Variants in PCDHGA3 observed in about 807,000 individuals in gnomAD.
PCDHGA3 encodes protocadherin gamma-A3.
PCDHGA3 carries 40 observed loss-of-function variants against 58.5 expected under a neutral mutation model. The ratio of observed to expected loss-of-function variants is 0.68; its 90% CI spans 0.53 to 0.89. PCDHGA3 has a LOEUF of 0.89. Among genes scored for constraint, PCDHGA3 ranks in the 40% least tolerant of loss-of-function variants. The pLI, the probability that PCDHGA3 is intolerant of heterozygous loss-of-function variation, is 0.00. For synonymous variants in PCDHGA3, 530 were observed against 525.7 expected, an observed-to-expected ratio of 1.01 and a Z score of -0.11; for missense variants, 1,223 against 1,195.9, an observed-to-expected ratio of 1.02 and a Z score of -0.33.
intron 1 of PCDHGA3, chr5:141,441,209 G>A (rs1276958461): frequency 1.3e-5 from 2 of 152,158 alleles, no homozygotes; most frequent in East Asian, 3.9e-4. Flanking sequence ...TCTGCACCTT[G>A]GACAGTAATC....
At chr5:141,398,425 C>G (rs2093656331) in intron 1 of PCDHGA3, 2 of 1,519,432 alleles carry the variant, frequency 1.3e-6, no homozygotes, top group East Asian at 2.3e-5. Flanking sequence ...CGGGAAGAAG[C>G]CAGCTTGTGC....
In PCDHGA3 at chr5:141,357,109, G is replaced by A. The variant is rs1023003199; in HGVS notation, c.2424+10652G>A. The A allele has an allele frequency of 6.2e-7, 1 of 1,613,832 alleles. No homozygotes were observed. The highest frequency in any genetic ancestry group is 8.5e-7 in the Non-Finnish European group (1 of 1,179,948). On this transcript the variant is annotated intron_variant, in intron 1 of 3. Transcript: ENST00000253812. ...CGCACGGGCCCTGCTGGACAGAGAC[G>A]CGCTCAAGCAGAGGCTTGTAGTGGT...
At chr5:141,405,473 G>A in intron 1 of PCDHGA3, 3 of 1,066,958 alleles carry the variant, frequency 2.8e-6, no homozygotes, top group Non-Finnish European at 4.0e-6. Flanking sequence ...AGGCTGGAAT[G>A]CAGTGGTGTG....
chr5:141,491,747 G>C lies in PCDHGA3; in HGVS notation c.2425-3060G>C. 6.3e-7 allele frequency: 1 copy of C among 1,591,872 alleles called. No homozygotes were observed. The highest frequency in any genetic ancestry group is 8.5e-7 in the Non-Finnish European group (1 of 1,170,328). ...CGGGCGACCCCTGGGGGCGGCACTG[G>C]AGAAGCCGCCCGTCCTCATAAGGGA... On this transcript the variant is annotated intron_variant, in intron 1 of 3. Transcript: ENST00000253812. This position sits in a 1 kb window ranked among gnomAD's most constrained non-coding sequence, Gnocchi z 6.9.
chr5:141,375,213 G>T (rs778646849), intron 1 of PCDHGA3: 1 of 1,613,926 alleles, frequency 6.2e-7, no homozygotes, highest in Admixed American at 1.7e-5. Context: ...CGAGACTCTG[G>T]CCTGAATGGC....
At chr5:141,394,446 A>C in intron 1 of PCDHGA3, 1 of 1,614,246 alleles carries the variant, frequency 6.2e-7, no homozygotes, top group Non-Finnish European at 8.5e-7. Flanking sequence ...CCTCAGCAGC[A>C]ACATGTCACT....
Position 141,364,897 on chromosome 5 carries a change from A to C in PCDHGA3, c.2424+18440A>C, listed in dbSNP as rs780576369. 45 of 1,613,852 alleles carry C rather than the reference A, an allele frequency of 2.8e-5. No homozygotes were observed. In the Admixed American group the frequency reaches 3.2e-4, roughly 11 times the overall value. ...ATGTGGTAAGCGGAACTGATGGACA[A>C]AAGTATCCGGAGCTGGTGTTGGAAC... On this transcript the variant is annotated intron_variant, in intron 1 of 3. Transcript: ENST00000253812.
intron 1 of PCDHGA3, chr5:141,384,511 G>A (rs1780163912): frequency 6.2e-7 from 1 of 1,614,188 alleles, no homozygotes; most frequent in Non-Finnish European, 8.5e-7. Flanking sequence ...ACATGACAGC[G>A]GGGACCCGCC....
chr5:141,345,371 T>C lies in PCDHGA3; in HGVS notation c.1338T>C (p.Asn446=). The C allele has an allele frequency of 6.2e-7, 1 of 1,614,072 alleles. No individual in the cohort carries two copies. Among genetic ancestry groups the C allele is most frequent in the Non-Finnish European group, 8.5e-7 (1 of 1,180,006 alleles). The change falls in exon 1 of 4, where the codon AAT becomes AAC. Residue 446 remains asparagine, a synonymous_variant. Transcript: ENST00000253812. ...THITLHVIDI[N]DNPPTFPHLS... is the part of the protein sequence containing the mutation. Reference sequence around the variant, plus strand: ...TCACCCTGCATGTGATTGACATCAATGACAACCCACCCACCTTCCCTCATT... The same window carrying C: ...TCACCCTGCATGTGATTGACATCAACGACAACCCACCCACCTTCCCTCATT...
At chr5:141,348,355 G>A (rs1758103704) in intron 1 of PCDHGA3, among the ~76,000 whole-genome samples, 1 of 152,156 alleles carries the variant, frequency 6.6e-6, no homozygotes, top group Admixed American at 6.5e-5. Context: ...GGACTTCTGA[G>A]CCTAGGACTT....
At chr5:141,443,872 A>G (rs1446612063) in intron 1 of PCDHGA3, among the ~76,000 whole-genome samples, 1 of 152,212 alleles carries the variant, frequency 6.6e-6, no homozygotes, top group South Asian at 2.1e-4. Context: ...AAAATTACTG[A>G]TAAGTCAAGA....
In PCDHGA3 at chr5:141,356,625, T is replaced by C. The variant is rs763961659; in HGVS notation, c.2424+10168T>C. 15 of 1,614,096 alleles carry C rather than the reference T, an allele frequency of 9.3e-6. No homozygotes were observed. The Middle Eastern group carries it at 4.9e-4, about 53-fold the overall frequency. ...GAGGAGCCTCCATCTTATCTATGAC[T>C]GCTCAAGACCCTGACAGTGGTGACA... On this transcript the variant is annotated intron_variant, in intron 1 of 3. Transcript: ENST00000253812.
chr5:141,365,419 A>G (rs747311878), intron 1 of PCDHGA3: 4 of 1,613,996 alleles, frequency 2.5e-6, no homozygotes, highest in Non-Finnish European at 3.4e-6. Context: ...GTCTTCCCGG[A>G]ACTGTAATCG....
chr5:141,470,855 G>A (rs2099242095), intron 1 of PCDHGA3, among the ~76,000 whole-genome samples: 3 of 151,856 alleles, frequency 2.0e-5, no homozygotes, highest in Admixed American at 2.0e-4. Context: ...GCTCAGATAA[G>A]TTTTTTGTTT....
rs551330964 is a variant in PCDHGA3, at chr5:141,388,155, G to T, written c.2424+41698G>T. On this transcript the variant is annotated intron_variant, in intron 1 of 3. Coordinates refer to ENST00000253812, the MANE Select transcript of PCDHGA3 (RefSeq NM_018916.4). ...GGAGTTGCTTGTGAGCAGCAGGCTA[G>T]ACAGGGAGGAGATATGCGGGAAGAA... is the stretch of plus-strand genomic sequence containing the variant. The T allele has an allele frequency of 1.2e-5, 18 of 1,469,902 alleles. No homozygotes were observed. The African/African-American group carries it at 2.5e-4, about 21-fold the overall frequency. 91.1% of individuals were successfully genotyped at this position (1,469,902 alleles called of 1,614,324 possible). A position where few individuals can be genotyped will look rare whatever the true frequency, so the allele number is the denominator to read the frequency against.
At chr5:141,346,587 C>A in intron 1 of PCDHGA3, 130 bp downstream of exon 1, 2 of 1,372,760 alleles carry the variant, frequency 1.5e-6, no homozygotes, top group Non-Finnish European at 2.0e-6. Flanking sequence ...AATATTTGTC[C>A]CCCTTTCTTT....
intron 1 of PCDHGA3, among the ~76,000 whole-genome samples, chr5:141,460,093 A>T (rs2098981983): frequency 6.6e-6 from 1 of 151,964 alleles, no homozygotes. Flanking sequence ...TAATAATTAT[A>T]CATGTAATTA....
In PCDHGA3 at chr5:141,426,319, C is replaced by A. The variant is rs572457971; in HGVS notation, c.2425-68488C>A. On this transcript the variant is annotated intron_variant, in intron 1 of 3. Coordinates refer to ENST00000253812, the MANE Select transcript of PCDHGA3 (RefSeq NM_018916.4). ...CAGGGTGAAGCAGAGAAGCAGGACC[C>A]GGCAGTGGCAAGCACTCTTCCCTTT... 9 of 175,482 alleles carry A rather than the reference C, an allele frequency of 5.1e-5. No homozygotes were observed. In the East Asian group the frequency reaches 6.8e-4, roughly 13 times the overall value. The allele number at this position is 175,482 out of a possible 1,614,324, so 10.9% of individuals were successfully genotyped here.
At chr5:141,346,517 G>T in intron 1 of PCDHGA3, 60 bp downstream of exon 1, 2 of 1,598,398 alleles carry the variant, frequency 1.3e-6, no homozygotes, top group Non-Finnish European at 1.7e-6. Context: ...TTATTATAAA[G>T]CTTTAACACA....
Sources: allele counts gnomAD v4.1 joint callset (sites outside exome capture counted in the v4.1 genomes callset), GRCh38; gene constraint gnomAD v4.1.1; non-coding constraint Gnocchi (gnomAD v3.1); transcripts MANE v1.5; gene names NCBI Gene and HGNC (gene_info 2026-07-23, HGNC 2026-07-21).